LRRTM4: variants seen among roughly 807,000 people sequenced by gnomAD.
LRRTM4 encodes leucine-rich repeat transmembrane neuronal protein 4.
A neutral mutation model predicts 47.6 loss-of-function variants in LRRTM4; 25 were observed. That is an observed-to-expected ratio of 0.53 (90% CI 0.38 to 0.73). The LOEUF (loss-of-function observed/expected upper bound fraction) is 0.73, where lower values mean the gene tolerates loss of function less well. Ranked by LOEUF, LRRTM4 falls within the 30% of genes least tolerant of loss-of-function variation. The pLI is 0.00. For synonymous variants in LRRTM4, 311 were observed against 269.5 expected, an observed-to-expected ratio of 1.15 and a Z score of -1.51; for missense variants, 638 against 713.4, an observed-to-expected ratio of 0.89 and a Z score of 1.20.
Position 77,472,124 on chromosome 2 carries a change from T to C in LRRTM4, c.1551+46194A>G, listed in dbSNP as rs1677212565. Among the ~76,000 whole-genome samples the C allele has an allele frequency of 2.0e-5, 3 of 152,158 alleles. No individual in the cohort carries two copies. The South Asian group carries it at 6.2e-4, about 31-fold the overall frequency. On this transcript the variant is annotated intron_variant, in intron 3 of 3. Transcript: ENST00000409884. ...TATTGTATACCACCTTTTTACGTTT[T>C]TGTGCTTTATGTTGGTGATTTTGTT...
chr2:77,324,947 A>G (rs976351865), intron 3 of LRRTM4, among the ~76,000 whole-genome samples: 4 of 152,182 alleles, frequency 2.6e-5, no homozygotes, highest in African/African-American at 9.6e-5. Context: ...CAATTATTTA[A>G]GAATTTGAAT....
chr2:77,044,310 A>G (rs1679155864), intron 3 of LRRTM4, among the ~76,000 whole-genome samples: 1 of 151,746 alleles, frequency 6.6e-6, no homozygotes, highest in Non-Finnish European at 1.5e-5. Context: ...TAGGTCAACT[A>G]AAGATTATCT....
At chr2:76,862,072 CT>C (rs10713746) in intron 3 of LRRTM4, among the ~76,000 whole-genome samples, 7,238 of 143,762 alleles carry the variant, frequency 0.05, 538 homozygotes, top group African/African-American at 0.17. Flanking sequence ...CTAATTTAGG[CT>C]TTTTTTTTTT....
chr2:77,055,741 G>T (rs1246652966), intron 3 of LRRTM4, among the ~76,000 whole-genome samples: 24 of 151,726 alleles, frequency 1.6e-4, no homozygotes, highest in Admixed American at 7.2e-4. Flanking sequence ...ACATGCACAC[G>T]TATGTTTATT....
At chr2:76,881,839 A>T (rs138080793) in intron 3 of LRRTM4, among the ~76,000 whole-genome samples, 1 of 152,078 alleles carries the variant, frequency 6.6e-6, no homozygotes, top group Admixed American at 6.6e-5. Flanking sequence ...TATATACTCC[A>T]TCCTATTCTA....
At chr2:77,397,957 G>A (rs1380886932) in intron 3 of LRRTM4, among the ~76,000 whole-genome samples, 1 of 151,684 alleles carries the variant, frequency 6.6e-6, no homozygotes, top group East Asian at 1.9e-4. Flanking sequence ...AAAAGGTGCT[G>A]GCAGATTTCA....
At chr2:77,235,693 AT>A (rs1435511440) in intron 3 of LRRTM4, among the ~76,000 whole-genome samples, 2 of 152,142 alleles carry the variant, frequency 1.3e-5, no homozygotes, top group Non-Finnish European at 2.9e-5. Context: ...ATTACTGTAT[AT>A]GGTGAAAAGT....
At chr2:77,168,658 C>T (rs13028012) in intron 3 of LRRTM4, among the ~76,000 whole-genome samples, 1 of 151,960 alleles carries the variant, frequency 6.6e-6, no homozygotes, top group African/African-American at 2.4e-5. Context: ...TTATTACTTC[C>T]AACTGTATGT....
chr2:77,487,106 T>G (rs536325321), intron 3 of LRRTM4, among the ~76,000 whole-genome samples: 345 of 152,316 alleles, frequency 2.3e-3, no homozygotes, highest in Non-Finnish European at 3.9e-3. Context: ...AGACACCGGC[T>G]GCAGTGAGAG....
At chr2:76,833,167 A>G (rs997744195) in intron 3 of LRRTM4, among the ~76,000 whole-genome samples, 3 of 152,198 alleles carry the variant, frequency 2.0e-5, no homozygotes, top group African/African-American at 7.2e-5. Flanking sequence ...TTGACATAAA[A>G]TAATGGTTGA....
chr2:77,299,810 A>G (rs1263466143), intron 3 of LRRTM4, among the ~76,000 whole-genome samples: 2 of 150,066 alleles, frequency 1.3e-5, no homozygotes, highest in Non-Finnish European at 3.0e-5. Context: ...CTAACAACAC[A>G]TTGTCACTGA....
chr2:76,998,047 TATA>T (rs1333789798), intron 3 of LRRTM4, among the ~76,000 whole-genome samples: 4 of 152,110 alleles, frequency 2.6e-5, no homozygotes. Flanking sequence ...TGGTGAGTTG[TATA>T]ATTATTTCAT....
At chr2:77,459,022 G>A (rs188735326) in intron 3 of LRRTM4, among the ~76,000 whole-genome samples, 21 of 151,956 alleles carry the variant, frequency 1.4e-4, no homozygotes, top group African/African-American at 5.1e-4. Context: ...TTATAATACT[G>A]TATGGAAAGT....
At chr2:76,806,324 G>A (rs1299246231) in intron 3 of LRRTM4, among the ~76,000 whole-genome samples, 1 of 152,174 alleles carries the variant, frequency 6.6e-6, no homozygotes, top group African/African-American at 2.4e-5. Context: ...GCTCACACCT[G>A]TAATCTCAGC....
At chr2:76,930,109 G>A (rs1429108437) in intron 3 of LRRTM4, among the ~76,000 whole-genome samples, 2 of 152,192 alleles carry the variant, frequency 1.3e-5, no homozygotes, top group African/African-American at 4.8e-5. Flanking sequence ...TGTACTAATG[G>A]TGTAATTTCT....
At chr2:76,789,976 T>C (rs987364756) in intron 3 of LRRTM4, among the ~76,000 whole-genome samples, 6 of 152,158 alleles carry the variant, frequency 3.9e-5, no homozygotes, top group Non-Finnish European at 8.8e-5. Context: ...TTTGGATGAG[T>C]TGCCTGAGGT....
intron 3 of LRRTM4, among the ~76,000 whole-genome samples, chr2:77,042,269 A>G (rs976237254): frequency 1.3e-5 from 2 of 151,610 alleles, no homozygotes; most frequent in Middle Eastern, 3.2e-3. Context: ...CTACTCTCAA[A>G]TAGTTAAGAA....
chr2:77,242,817 C>T (rs1181987510), intron 3 of LRRTM4, among the ~76,000 whole-genome samples: 1 of 152,092 alleles, frequency 6.6e-6, no homozygotes, highest in Non-Finnish European at 1.5e-5. Context: ...AATGGCAATT[C>T]CTCAAAAATT....
chr2:76,759,720 T>C (rs1673183806), intron 3 of LRRTM4, among the ~76,000 whole-genome samples: 2 of 152,162 alleles, frequency 1.3e-5, no homozygotes, highest in Admixed American at 1.3e-4. Context: ...ACTTGGACTT[T>C]TGTATTCACT....
Sources: allele counts gnomAD v4.1 joint callset (sites outside exome capture counted in the v4.1 genomes callset), GRCh38; gene constraint gnomAD v4.1.1; transcripts MANE v1.5; gene names NCBI Gene and HGNC (gene_info 2026-07-23, HGNC 2026-07-21).